The following PIK3R5 variants were observed in gnomAD, a reference collection of about 807,000 sequenced individuals.
PIK3R5 encodes the protein phosphoinositide 3-kinase regulatory subunit 5.
Under a neutral mutation model 94.9 loss-of-function variants are expected in PIK3R5, and 32 were observed. That is an observed-to-expected ratio of 0.34 (90% CI 0.25 to 0.45). PIK3R5 has a LOEUF of 0.45. PIK3R5 is among the 20% of genes least tolerant of loss of function. The probability of loss-of-function intolerance (pLI) is 1.00; values close to 1 mark genes in which losing one functional copy is unlikely to be tolerated. For synonymous variants in PIK3R5, 443 were observed against 479.4 expected, an observed-to-expected ratio of 0.92 and a Z score of 0.99; for missense variants, 853 against 1,144.6, an observed-to-expected ratio of 0.75 and a Z score of 3.68.
intron 1 of PIK3R5, among the ~76,000 whole-genome samples, chr17:8,950,447 C>T (rs1489706289): frequency 6.6e-6 from 1 of 152,104 alleles, no homozygotes; most frequent in Non-Finnish European, 1.5e-5. Context: ...CCTCACCCTT[C>T]CCTCTCTCCC....
chr17:8,890,752 G>C lies in PIK3R5; in HGVS notation c.643C>G (p.His215Asp). ...FGAHCDVPGL[H>D]CRLQAKTLAE... ...CAGGTACATACCTGTAGCCTGCAGT[G>C]CAGGCCCGGGACGTCACAGTGGGCC... is the stretch of plus-strand genomic sequence containing the variant. Residue 215 changes from histidine to aspartate, a missense_variant, in exon 7 of 19, where the codon CAC becomes GAC. His to Asp is a moderately conservative substitution (Grantham distance 81). Transcript: ENST00000447110. The surrounding 1 kb of genome is among the most constrained non-coding windows in gnomAD (Gnocchi z 6.1). 6.2e-7 allele frequency: 1 copy of C among 1,609,210 alleles called. No individual in the cohort carries two copies. The highest frequency in any genetic ancestry group is 8.5e-7 in the Non-Finnish European group (1 of 1,178,062).
intron 1 of PIK3R5, among the ~76,000 whole-genome samples, chr17:8,947,260 C>T (rs995628727): frequency 1.3e-5 from 2 of 152,142 alleles, no homozygotes; most frequent in Non-Finnish European, 2.9e-5. Flanking sequence ...CCCTGCTCCT[C>T]GGTCATCTCA....
chr17:8,944,667 C>G (rs982943119), intron 1 of PIK3R5, among the ~76,000 whole-genome samples: 26 of 152,198 alleles, frequency 1.7e-4, no homozygotes. Flanking sequence ...TCCATCTTTA[C>G]TCTCCAGACC....
At chr17:8,910,887 C>T (rs1195562685) in intron 2 of PIK3R5, among the ~76,000 whole-genome samples, 1 of 152,166 alleles carries the variant, frequency 6.6e-6, no homozygotes, top group Non-Finnish European at 1.5e-5. Context: ...CGCCAGCCTT[C>T]AGAGACGCAA....
chr17:8,924,661 G>A (rs1567657872), intron 1 of PIK3R5, among the ~76,000 whole-genome samples: 1 of 152,068 alleles, frequency 6.6e-6, no homozygotes, highest in Non-Finnish European at 1.5e-5. Context: ...ATCTTCACTA[G>A]TCTCCTTTTT....
chr17:8,897,316 TG>T (rs1035336337), intron 5 of PIK3R5, among the ~76,000 whole-genome samples: 38 of 152,142 alleles, frequency 2.5e-4, no homozygotes, highest in African/African-American at 8.2e-4. Flanking sequence ...AGGAAAATAC[TG>T]GGGGGAAGGA....
chr17:8,944,897 C>T (rs1458994079), intron 1 of PIK3R5, among the ~76,000 whole-genome samples: 1 of 152,168 alleles, frequency 6.6e-6, no homozygotes, highest in Non-Finnish European at 1.5e-5. Context: ...GGAAAAATGG[C>T]CTACACTTAC....
In PIK3R5 at chr17:8,889,396, G is replaced by A. The variant is rs1876506154; in HGVS notation, c.812-174C>T. On this transcript the variant is annotated intron_variant, in intron 8 of 18. Coordinates refer to ENST00000447110, the MANE Select transcript of PIK3R5 (RefSeq NM_001142633.3). This position sits in a 1 kb window ranked among gnomAD's most constrained non-coding sequence, Gnocchi z 4.1. The stretch of plus-strand genomic sequence containing the variant: ...CCAGGGTGCCAGGCTCCAAGCCAGA[G>A]GCCCTTCTTTCAAGCACACCATGTA... Among the ~76,000 whole-genome samples the A allele has an allele frequency of 6.6e-6, 1 of 152,178 alleles. No homozygotes were observed. The highest frequency in any genetic ancestry group is 1.5e-5 in the Non-Finnish European group (1 of 68,028).
intron 1 of PIK3R5, among the ~76,000 whole-genome samples, chr17:8,954,167 G>A (rs1391113948): frequency 1.3e-5 from 2 of 152,320 alleles, no homozygotes; most frequent in East Asian, 3.9e-4. Flanking sequence ...GAAGTTTTTT[G>A]TTCTAGAGAT....
intron 1 of PIK3R5, among the ~76,000 whole-genome samples, chr17:8,961,584 G>A (rs899831376): frequency 6.6e-6 from 1 of 152,082 alleles, no homozygotes; most frequent in Admixed American, 6.5e-5. Flanking sequence ...GCAGTGAGCC[G>A]AGATCACGGC....
chr17:8,944,756 A>G (rs1457616285), intron 1 of PIK3R5, among the ~76,000 whole-genome samples: 1 of 152,164 alleles, frequency 6.6e-6, no homozygotes, highest in Non-Finnish European at 1.5e-5. Flanking sequence ...ACGGAGCTGG[A>G]GAGTTCCTCA....
In PIK3R5 at chr17:8,923,071, G is replaced by A. The variant is rs184361998; in HGVS notation, c.-13-11564C>T. 1.3e-4 allele frequency among the ~76,000 whole-genome samples: 20 copies of A among 152,240 alleles called. No homozygotes were observed. In the East Asian group the frequency reaches 2.9e-3, roughly 22 times the overall value. On this transcript the variant is annotated intron_variant, in intron 1 of 18. Coordinates refer to ENST00000447110, the MANE Select transcript of PIK3R5 (RefSeq NM_001142633.3). Reference sequence around the variant, plus strand: ...GGAGGGGAAGGAGAAAGATGCTAACGTGTACACAGCACTGACCCTGGGCCA... The same window carrying A: ...GGAGGGGAAGGAGAAAGATGCTAACATGTACACAGCACTGACCCTGGGCCA...
In PIK3R5 at chr17:8,884,664, G is replaced by C; in HGVS notation, c.2205+43C>G. 2 of 1,473,434 alleles carry C rather than the reference G, an allele frequency of 1.4e-6. No individual in the cohort carries two copies. Among genetic ancestry groups the C allele is most frequent in the Non-Finnish European group, 1.9e-6 (2 of 1,053,620 alleles). 91.3% of individuals were successfully genotyped at this position (1,473,434 alleles called of 1,614,324 possible). On this transcript the variant is annotated intron_variant, in intron 15 of 18. Transcript: ENST00000447110. The surrounding 1 kb of genome is among the most constrained non-coding windows in gnomAD (Gnocchi z 5.8). The stretch of plus-strand genomic sequence containing the variant: ...CCAAGCTCTGGCGGAGGAAGTATCA[G>C]CAGCAGATCCTGGAGGGGAAGGAGC...
At chr17:8,944,926 C>T (rs73253097) in intron 1 of PIK3R5, among the ~76,000 whole-genome samples, 1,678 of 152,236 alleles carry the variant, frequency 0.011, 27 homozygotes, top group African/African-American at 0.038. Context: ...GTGTTAGTTC[C>T]GCAATTTCCT....
intron 1 of PIK3R5, among the ~76,000 whole-genome samples, chr17:8,927,662 A>T (rs139424039): frequency 3.9e-5 from 6 of 152,332 alleles, no homozygotes; most frequent in Non-Finnish European, 8.8e-5. Flanking sequence ...GTTTCTAGCC[A>T]GAGACGTATC....
At position 8,886,360 on chromosome 17, in the gene PIK3R5, C is replaced by T. The variant is rs202058323; in HGVS notation, c.2035-38G>A. 281 of 1,600,848 alleles carry T rather than the reference C, an allele frequency of 1.8e-4. 3 individuals carry two copies. The African/African-American group carries it at 2.8e-3, about 16-fold the overall frequency. On this transcript the variant is annotated intron_variant, in intron 13 of 18. Coordinates refer to ENST00000447110, the MANE Select transcript of PIK3R5 (RefSeq NM_001142633.3). ...GGAGCATGTACATCAGTGTGAACCT[C>T]CTGGAGGGGCCCATTTGGCTCCTCC...
Position 8,916,283 on chromosome 17 carries a change from G to A in PIK3R5, c.-13-4776C>T, listed in dbSNP as rs78836753. On this transcript the variant is annotated intron_variant, in intron 1 of 18. Transcript: ENST00000447110. ...AGTCATCAGCTGTTTCTTATGACTT[G>A]TCAGCAGAACCTCACGGCTTTGGGG... 882 of 152,398 alleles carry A rather than the reference G, an allele frequency of 5.8e-3. 3 individuals are homozygous for A. The highest frequency in any genetic ancestry group is 9.8e-3 in the Non-Finnish European group (666 of 68,108). The allele number at this position is 152,398 out of a possible 1,614,324, so 9.4% of individuals were successfully genotyped here.
chr17:8,897,943 G>T (rs988489261), intron 5 of PIK3R5, among the ~76,000 whole-genome samples: 34 of 151,806 alleles, frequency 2.2e-4, no homozygotes, highest in African/African-American at 7.5e-4. Flanking sequence ...GTGTGTGTGT[G>T]GTGTGTGTGT....
At chr17:8,917,515 C>G (rs2090653902) in intron 1 of PIK3R5, among the ~76,000 whole-genome samples, 1 of 152,122 alleles carries the variant, frequency 6.6e-6, no homozygotes, top group East Asian at 1.9e-4. Flanking sequence ...AAACTATAGA[C>G]AAATACTGTT....
Sources: allele counts gnomAD v4.1 joint callset (sites outside exome capture counted in the v4.1 genomes callset), GRCh38; gene constraint gnomAD v4.1.1; non-coding constraint Gnocchi (gnomAD v3.1); transcripts MANE v1.5; gene names NCBI Gene and HGNC (gene_info 2026-07-23, HGNC 2026-07-21).